The following FRMPD3 variants were observed in gnomAD, a reference collection of about 807,000 sequenced individuals.
FRMPD3 encodes the protein FERM and PDZ domain-containing protein 3.
In FRMPD3, 42 loss-of-function variants were observed where a neutral mutation model predicts 97.9. That is an observed-to-expected ratio of 0.43 (90% CI 0.34 to 0.55). The LOEUF (loss-of-function observed/expected upper bound fraction) is 0.55. FRMPD3 is among the 20% of genes least tolerant of loss of function. FRMPD3 has a pLI of 0.03. For missense variants in FRMPD3, 1,303 were observed against 1,457.7 expected, an observed-to-expected ratio of 0.89 and a Z score of 1.73; for synonymous variants, 577 against 581.1, an observed-to-expected ratio of 0.99 and a Z score of 0.10.
At chrX:107,489,332 AT>A (rs1921592318) in intron 1 of FRMPD3, among the ~76,000 whole-genome samples, 1 of 111,219 alleles carries the variant, frequency 9.0e-6, no homozygotes, top group South Asian at 3.9e-4. Flanking sequence ...ATGTTTTATA[AT>A]CCTCTTGGTA....
intron 12 of FRMPD3, among the ~76,000 whole-genome samples, chrX:107,566,507 G>A (rs12687461): frequency 9.8e-5 from 11 of 112,160 alleles, no homozygotes; most frequent in Non-Finnish European, 1.1e-4. Flanking sequence ...GGCAGAGAAG[G>A]GGGCAGGGAA....
chrX:107,549,838 C>T (rs1397345650), intron 5 of FRMPD3, among the ~76,000 whole-genome samples: 2 of 110,947 alleles, frequency 1.8e-5, no homozygotes, highest in Non-Finnish European at 3.8e-5. Flanking sequence ...CAAATGGAGG[C>T]GGGCTTTTGA....
chrX:107,580,917 T>C (rs752866872), intron 13 of FRMPD3, among the ~76,000 whole-genome samples: 11 of 111,392 alleles, frequency 9.9e-5, no homozygotes, highest in Non-Finnish European at 1.9e-4. Context: ...TCACAGAGAC[T>C]TGGGTTCCAG....
At chrX:107,515,753 G>A (rs773359593) in intron 1 of FRMPD3, among the ~76,000 whole-genome samples, 1 of 111,525 alleles carries the variant, frequency 9.0e-6, no homozygotes, top group South Asian at 3.9e-4. Context: ...GAGCGGTGGA[G>A]AGATTGGTAA....
At chrX:107,556,109 G>GA (rs1286812391) in intron 8 of FRMPD3, among the ~76,000 whole-genome samples, 1 of 111,201 alleles carries the variant, frequency 9.0e-6, no homozygotes, top group Non-Finnish European at 1.9e-5. Context: ...CTTAATGAGA[G>GA]AAAAAAACCT....
chrX:107,598,323 G>A (rs1443844739), intron 14 of FRMPD3, among the ~76,000 whole-genome samples, 181 bp downstream of exon 14: 1 of 112,434 alleles, frequency 8.9e-6, no homozygotes, highest in Non-Finnish European at 1.9e-5. Context: ...GGGAGCAGCT[G>A]CTCAGCTCTA....
chrX:107,576,898 T>A (rs1923141121), intron 13 of FRMPD3, among the ~76,000 whole-genome samples: 2 of 110,535 alleles, frequency 1.8e-5, no homozygotes, highest in African/African-American at 6.6e-5. Context: ...ATATTAGACC[T>A]AAGGCTCATG....
chrX:107,452,857 A>C (rs1224067897), intron 1 of FRMPD3, among the ~76,000 whole-genome samples: 1 of 106,130 alleles, frequency 9.4e-6, no homozygotes, highest in Non-Finnish European at 1.9e-5. Context: ...GTGCAACAAG[A>C]AAGCCCTGGG....
chrX:107,487,715 C>G (rs1172638023), intron 1 of FRMPD3, among the ~76,000 whole-genome samples: 1 of 111,835 alleles, frequency 8.9e-6, no homozygotes, highest in African/African-American at 3.3e-5. Flanking sequence ...TGTGGGGACT[C>G]CCTGGGGGCA....
chrX:107,566,070 C>T (rs1922590752), intron 12 of FRMPD3, among the ~76,000 whole-genome samples: 1 of 112,782 alleles, frequency 8.9e-6, no homozygotes, highest in Non-Finnish European at 1.9e-5. Context: ...AGATCAACTC[C>T]TTCGGACTGG....
At position 107,516,024 on chromosome X, in the gene FRMPD3, C is replaced by A. The variant is rs183089932; in HGVS notation, c.-7-10558C>A. Among the ~76,000 whole-genome samples the A allele has an allele frequency of 5.9e-5, 4 of 68,227 alleles. No homozygotes were observed. The East Asian group carries it at 1.8e-3, about 32-fold the overall frequency. 59.2% of individuals were successfully genotyped at this position (68,227 alleles called of 115,157 possible). ...ATATCTCCTAATGCTATCCCTCCCC[C>A]CTCCCCCCACCCCACAACAGGCCCT... On this transcript the variant is annotated intron_variant, in intron 1 of 14. Coordinates refer to ENST00000683843, the MANE Select transcript of FRMPD3 (RefSeq NM_001388459.1).
rs1041254949 is a variant in FRMPD3, at chrX:107,549,971, T to C, written c.403-78T>C. On this transcript the variant is annotated intron_variant, in intron 5 of 14. Coordinates refer to ENST00000683843, the MANE Select transcript of FRMPD3 (RefSeq NM_001388459.1). ...TGTCTCCATCACCTTTTCTCTCTCC[T>C]TTTTCACACCCTTCCTCTGGCTTCC... 3 of 643,718 alleles carry C rather than the reference T, an allele frequency of 4.7e-6. No homozygotes were observed. The African/African-American group carries it at 6.6e-5, about 14-fold the overall frequency. The allele number at this position is 643,718 out of a possible 1,213,427, so 53.0% of individuals were successfully genotyped here.
Position 107,600,292 on chromosome X carries a change from T to C in FRMPD3, c.2264-11T>C. On this transcript the variant is annotated splice_polypyrimidine_tract_variant and intron_variant, in intron 14 of 14. Transcript: ENST00000683843. ...CAGTAAGCATAACAAGCCCTATCCC[T>C]GTTCCTCCAGGTCTGATTGTGCTGG... 2 of 1,194,817 alleles carry C rather than the reference T, an allele frequency of 1.7e-6. No homozygotes were observed. The highest frequency in any genetic ancestry group is 2.3e-6 in the Non-Finnish European group (2 of 885,689).
At chrX:107,490,333 T>G in intron 1 of FRMPD3, among the ~76,000 whole-genome samples, 1 of 112,092 alleles carries the variant, frequency 8.9e-6, no homozygotes, top group Admixed American at 9.5e-5. Flanking sequence ...TCTTTTTTGG[T>G]TCCATATGAA....
At chrX:107,572,138 T>C (rs969988211) in intron 12 of FRMPD3, among the ~76,000 whole-genome samples, 3 of 112,402 alleles carry the variant, frequency 2.7e-5, no homozygotes, top group Non-Finnish European at 3.8e-5. Flanking sequence ...AATGGATGCA[T>C]CTTTCACTTG....
At chrX:107,562,685 G>A (rs918517497) in intron 10 of FRMPD3, among the ~76,000 whole-genome samples, 1 of 112,393 alleles carries the variant, frequency 8.9e-6, no homozygotes, top group Non-Finnish European at 1.9e-5. Context: ...GACCAGGAAT[G>A]CCTGAAGTGC....
At chrX:107,539,292 C>G (rs894025582) in intron 4 of FRMPD3, among the ~76,000 whole-genome samples, 17 of 111,865 alleles carry the variant, frequency 1.5e-4, no homozygotes, top group African/African-American at 5.2e-4. Flanking sequence ...AACCATACTG[C>G]ATAGATAGCC....
chrX:107,560,626 T>C, intron 9 of FRMPD3, 101 bp from the exon 10 acceptor site: 1 of 988,844 alleles, frequency 1.0e-6, no homozygotes, highest in Non-Finnish European at 1.4e-6. Flanking sequence ...TCTCTATTCC[T>C]CCATCTCTAC....
intron 13 of FRMPD3, among the ~76,000 whole-genome samples, chrX:107,576,785 A>T (rs1250117447): frequency 1.8e-5 from 2 of 112,175 alleles, no homozygotes; most frequent in East Asian, 2.8e-4. Context: ...CGGTGCAGAG[A>T]TCTAGAGGAA....
Sources: gnomAD v4.1 joint callset for allele counts (sites outside exome capture counted in the v4.1 genomes callset) on GRCh38, gnomAD v4.1.1 for gene constraint, MANE v1.5 for transcripts, NCBI Gene and HGNC (gene_info 2026-07-23, HGNC 2026-07-21) for gene names.